The following TNFAIP8 variants were observed in gnomAD, a reference collection of about 807,000 sequenced individuals.
TNFAIP8 encodes TNF alpha induced protein 8.
In TNFAIP8, 7 loss-of-function variants were observed where a neutral mutation model predicts 13.3. That is an observed-to-expected ratio of 0.52 (90% CI 0.30 to 0.99). TNFAIP8 has a LOEUF of 0.99. Ranked by LOEUF, TNFAIP8 falls within the 50% of genes least tolerant of loss-of-function variation. The pLI is 0.07. For synonymous variants in TNFAIP8, 94 were observed against 87.6 expected, an observed-to-expected ratio of 1.07 and a Z score of -0.41; for missense variants, 258 against 236.9, an observed-to-expected ratio of 1.09 and a Z score of -0.58.
intron 1 of TNFAIP8, among the ~76,000 whole-genome samples, chr5:119,376,568 C>A (rs563126073): frequency 2.7e-5 from 4 of 150,728 alleles, no homozygotes; most frequent in Admixed American, 1.3e-4. Context: ...TCCCACCCCC[C>A]CCGTCTTTCT....
At chr5:119,383,144 T>TTAAAA (rs1208699029) in intron 1 of TNFAIP8, among the ~76,000 whole-genome samples, 1 of 152,244 alleles carries the variant, frequency 6.6e-6, no homozygotes, top group Non-Finnish European at 1.5e-5. Flanking sequence ...AATTAAGGTT[T>TTAAAA]TGTTTTTTTA....
rs1752042467 is a variant in TNFAIP8, at chr5:119,370,750, C to G, written c.31+14629C>G. Reference sequence around the variant, plus strand: ...AAAATATATAAAAATATTTCACATTCTTTACCCTCCATCAGAATGCAGTGA... The same window carrying G: ...AAAATATATAAAAATATTTCACATTGTTTACCCTCCATCAGAATGCAGTGA... On this transcript the variant is annotated intron_variant, in intron 1 of 1. Transcript: ENST00000504771. Among the ~76,000 whole-genome samples the G allele has an allele frequency of 3.9e-5, 6 of 152,354 alleles. No individual in the cohort carries two copies. In the South Asian group the frequency reaches 1.2e-3, roughly 32 times the overall value.
In TNFAIP8 at chr5:119,295,478, T is replaced by C. The variant is rs575517368; in HGVS notation, c.1+26571T>C. 2.8e-4 allele frequency among the ~76,000 whole-genome samples: 43 copies of C among 151,974 alleles called. No individual in the cohort carries two copies. The East Asian group carries it at 7.8e-3, about 28-fold the overall frequency. On this transcript the variant is annotated intron_variant, in intron 1 of 1. Transcript: ENST00000274456. The stretch of plus-strand genomic sequence containing the variant: ...TATTTCTGAGGGCTCTGTTCTGTTC[T>C]GTTGATCTATATCTCTGTTTTGGTA...
chr5:119,293,633 G>C (rs1026729904), intron 1 of TNFAIP8, among the ~76,000 whole-genome samples: 1 of 152,106 alleles, frequency 6.6e-6, no homozygotes, highest in South Asian at 2.1e-4. Flanking sequence ...TAATGGTTAC[G>C]CAACTGTATA....
At chr5:119,311,835 C>G (rs1749742408) in intron 1 of TNFAIP8, among the ~76,000 whole-genome samples, 1 of 152,000 alleles carries the variant, frequency 6.6e-6, no homozygotes. Flanking sequence ...GGACAAAGCT[C>G]TGGTTTATAG....
At chr5:119,348,925 G>T (rs1751016038) in intron 1 of TNFAIP8, among the ~76,000 whole-genome samples, 1 of 148,344 alleles carries the variant, frequency 6.7e-6, no homozygotes, top group Non-Finnish European at 1.5e-5. Context: ...CAACATCTAA[G>T]GTTTCTTTCA....
At chr5:119,351,757 TTTTTCTTTTTCTTTTCTTTC>T (rs1751156688), upstream of TNFAIP8, among the ~76,000 whole-genome samples, 1 of 151,810 alleles carries the variant, frequency 6.6e-6, no homozygotes, top group Non-Finnish European at 1.5e-5. Flanking sequence ...ACAATTTTCT[TTTTTCTTTTTCTTTTCTTTC>T]TTTTCTTTTT....
Position 119,270,534 on chromosome 5 carries a change from C to G in TNFAIP8, c.1+1627C>G, listed in dbSNP as rs1748261314. Among the ~76,000 whole-genome samples, 5 of 152,210 alleles carry G rather than the reference C, an allele frequency of 3.3e-5. No individual in the cohort carries two copies. In the South Asian group the frequency reaches 1.0e-3, roughly 31 times the overall value. On this transcript the variant is annotated intron_variant, in intron 1 of 1. Transcript: ENST00000274456. ...GCCTCAGCCTCCTGAGTAACTGGGACTACAGGGGCCCACAAGTAATTGTTA... is the reference window on the plus strand; with the variant it reads ...GCCTCAGCCTCCTGAGTAACTGGGAGTACAGGGGCCCACAAGTAATTGTTA...
At chr5:119,294,217 C>A (rs1409432343) in intron 1 of TNFAIP8, among the ~76,000 whole-genome samples, 3 of 142,582 alleles carry the variant, frequency 2.1e-5, no homozygotes, top group Non-Finnish European at 4.6e-5. Context: ...CCACAACAGT[C>A]CCCAGAGTGT....
At chr5:119,389,627 T>C (rs1848554) in intron 1 of TNFAIP8, among the ~76,000 whole-genome samples, 107,873 of 151,954 alleles carry the variant, frequency 0.71, 38,511 homozygotes, top group African/African-American at 0.78. Context: ...CCAGTTGGCT[T>C]CAAAAAAACT....
chr5:119,277,750 G>A (rs551632930), intron 1 of TNFAIP8, among the ~76,000 whole-genome samples: 1 of 152,178 alleles, frequency 6.6e-6, no homozygotes, highest in Non-Finnish European at 1.5e-5. Flanking sequence ...ATTTTCCACA[G>A]TTCTGGGGGC....
intron 1 of TNFAIP8, among the ~76,000 whole-genome samples, chr5:119,360,130 C>G (rs575429898): frequency 6.6e-6 from 1 of 152,150 alleles, no homozygotes; most frequent in African/African-American, 2.4e-5. Flanking sequence ...ACCTTTCTTG[C>G]CCCCACCTTA....
At position 119,279,051 on chromosome 5, in the gene TNFAIP8, G is replaced by A. The variant is rs112181139; in HGVS notation, c.1+10144G>A. On this transcript the variant is annotated intron_variant, in intron 1 of 1. Transcript: ENST00000274456. ...ATCCCAGTAATCATGGCAAACACTTGTTGAGTACGTAGGGTGGGCCAGCAG... is the reference window on the plus strand; with the variant it reads ...ATCCCAGTAATCATGGCAAACACTTATTGAGTACGTAGGGTGGGCCAGCAG... 3.5e-3 allele frequency among the ~76,000 whole-genome samples: 527 copies of A among 152,292 alleles called. 2 individuals carry two copies. The highest frequency in any genetic ancestry group is 0.012 in the African/African-American group (501 of 41,548).
Position 119,397,245 on chromosome 5 carries a change from A to G in TNFAIP8, c.*3864A>G, listed in dbSNP as rs954414235. ...CTAAGAATTTTAATTTATCCTTGAG[A>G]TACTTGATGAGTGTATATAAGCAGT... is the stretch of plus-strand genomic sequence containing the variant. On this transcript the variant is annotated 3_prime_UTR_variant, in exon 2 of 2. Coordinates refer to ENST00000504771, the MANE Select transcript of TNFAIP8 (RefSeq NM_014350.4). 6.6e-6 allele frequency: 1 copy of G among 152,112 alleles called. No individual in the cohort carries two copies. Among genetic ancestry groups the G allele is most frequent in the Admixed American group, 6.6e-5 (1 of 15,256 alleles). 9.4% of individuals were successfully genotyped at this position (152,112 alleles called of 1,614,324 possible).
intron 1 of TNFAIP8, among the ~76,000 whole-genome samples, chr5:119,372,667 A>T (rs1407949631): frequency 6.6e-6 from 1 of 152,170 alleles, no homozygotes; most frequent in Non-Finnish European, 1.5e-5. Flanking sequence ...TTTTTAAAAA[A>T]TTATGTTAGT....
Position 119,393,163 on chromosome 5 carries a change from G to A in TNFAIP8, c.379G>A (p.Val127Met). 6.2e-7 allele frequency: 1 copy of A among 1,614,022 alleles called. No individual in the cohort carries two copies. The highest frequency in any genetic ancestry group is 1.6e-4 in the Middle Eastern group (1 of 6,062). The change falls in exon 2 of 2, where the codon GTG (valine) becomes ATG (methionine). Residue 127 changes from valine to methionine, a missense_variant. By Grantham distance (21) the Val-to-Met change is conservative. Coordinates refer to ENST00000504771, the MANE Select transcript of TNFAIP8 (RefSeq NM_014350.4). ...HQVDYTFDRN[V>M]LSRLLNECRE... is the part of the protein sequence containing the mutation. ...GGTGGATTATACCTTTGACCGGAAT[G>A]TGTTATCCAGGCTGTTAAATGAATG...
chr5:119,342,515 T>G (rs535411085), intron 1 of TNFAIP8, among the ~76,000 whole-genome samples: 197 of 150,348 alleles, frequency 1.3e-3, no homozygotes, highest in African/African-American at 2.3e-3. Flanking sequence ...ATTTGCAGGG[T>G]TTTTTTTTGA....
At chr5:119,332,033 T>A (rs567663878) in intron 1 of TNFAIP8, among the ~76,000 whole-genome samples, 28 of 152,292 alleles carry the variant, frequency 1.8e-4, no homozygotes, top group Middle Eastern at 3.4e-3. Flanking sequence ...TTTGGGGAGA[T>A]AACACAAAAG....
At chr5:119,310,370 C>T (rs72786125) in intron 1 of TNFAIP8, among the ~76,000 whole-genome samples, 7,434 of 152,010 alleles carry the variant, frequency 0.049, 202 homozygotes, top group Middle Eastern at 0.082. Context: ...ACAGTTACCC[C>T]AGCAGGGATA....
Sources: allele counts gnomAD v4.1 joint callset (sites outside exome capture counted in the v4.1 genomes callset), GRCh38; gene constraint gnomAD v4.1.1; transcripts MANE v1.5; gene names NCBI Gene and HGNC (gene_info 2026-07-23, HGNC 2026-07-21).